CLSTN2: variants seen among roughly 807,000 people sequenced by gnomAD.
CLSTN2 encodes calsyntenin 2, also known as calsyntenin-2.
A neutral mutation model predicts 101.2 loss-of-function variants in CLSTN2; 48 were observed. The ratio of observed to expected loss-of-function variants is 0.47; its 90% CI spans 0.38 to 0.60. The LOEUF (loss-of-function observed/expected upper bound fraction) is 0.60. Among genes scored for constraint, CLSTN2 ranks in the 20% least tolerant of loss-of-function variants. CLSTN2 has a pLI of 0.00. For missense variants in CLSTN2, 1,160 were observed against 1,238.2 expected, an observed-to-expected ratio of 0.94 and a Z score of 0.95; for synonymous variants, 481 against 463.6, an observed-to-expected ratio of 1.04 and a Z score of -0.48.
At chr3:140,409,431 C>G (rs557435135) in intron 4 of CLSTN2, among the ~76,000 whole-genome samples, 1 of 152,280 alleles carries the variant, frequency 6.6e-6, no homozygotes, top group African/African-American at 2.4e-5. Context: ...GCTACCTGAA[C>G]CAATAAGACA....
At chr3:140,019,510 C>G (rs780566964) in intron 1 of CLSTN2, among the ~76,000 whole-genome samples, 3 of 152,208 alleles carry the variant, frequency 2.0e-5, no homozygotes, top group African/African-American at 4.8e-5. Context: ...TCTCTGCACA[C>G]ATTTTATTGG....
intron 1 of CLSTN2, among the ~76,000 whole-genome samples, chr3:140,081,104 C>T (rs1027248860): frequency 1.3e-5 from 2 of 152,160 alleles, no homozygotes; most frequent in African/African-American, 4.8e-5. Flanking sequence ...ATGTTGATGA[C>T]AGAATGGAAC....
chr3:140,172,011 C>T (rs943279360), intron 1 of CLSTN2, among the ~76,000 whole-genome samples: 15 of 148,104 alleles, frequency 1.0e-4, no homozygotes, highest in African/African-American at 3.2e-4. Context: ...GGGAAAGTTA[C>T]GCTTTGTGGA....
At chr3:140,251,771 T>C (rs2107876102) in intron 2 of CLSTN2, among the ~76,000 whole-genome samples, 1 of 152,280 alleles carries the variant, frequency 6.6e-6, no homozygotes, top group Admixed American at 6.5e-5. Context: ...CATGGGGCTC[T>C]GTCAGTGAGG....
intron 8 of CLSTN2, among the ~76,000 whole-genome samples, chr3:140,476,593 C>T (rs994378081): frequency 6.6e-6 from 1 of 151,688 alleles, no homozygotes; most frequent in African/African-American, 2.4e-5. Context: ...TAGAACCAGG[C>T]ATGGATGTCC....
chr3:140,195,760 G>T (rs185725374), intron 2 of CLSTN2, among the ~76,000 whole-genome samples: 2 of 152,316 alleles, frequency 1.3e-5, no homozygotes, highest in Admixed American at 6.5e-5. Flanking sequence ...CAACGAGCTT[G>T]TGAATTTTAC....
intron 2 of CLSTN2, among the ~76,000 whole-genome samples, chr3:140,308,358 G>C (rs11924457): frequency 0.028 from 4,210 of 152,280 alleles, 106 homozygotes; most frequent in South Asian, 0.082. Context: ...TCAGAAGGTG[G>C]CATTCAATAT....
chr3:140,068,847 G>A (rs750335113), intron 1 of CLSTN2, among the ~76,000 whole-genome samples: 1 of 152,224 alleles, frequency 6.6e-6, no homozygotes, highest in Non-Finnish European at 1.5e-5. Context: ...AGACAGACAT[G>A]TAAATGATAG....
Position 140,311,669 on chromosome 3 carries a change from T to G in CLSTN2, c.233-91960T>G, listed in dbSNP as rs555787652. ...AGAGTTTTATATGCAATAACTCATG[T>G]AATCATCATGACAACACCATGAGAT... On this transcript the variant is annotated intron_variant, in intron 2 of 16. Transcript: ENST00000458420. 1.4e-3 allele frequency among the ~76,000 whole-genome samples: 217 copies of G among 152,218 alleles called. 3 individuals carry two copies. Among genetic ancestry groups the G allele is most frequent in the African/African-American group, 4.9e-3 (203 of 41,522 alleles).
At chr3:140,048,053 A>G (rs145647165) in intron 1 of CLSTN2, among the ~76,000 whole-genome samples, 5 of 152,316 alleles carry the variant, frequency 3.3e-5, no homozygotes, top group African/African-American at 1.2e-4. Flanking sequence ...CCAGAAGAAT[A>G]TTGTTCCCAT....
intron 2 of CLSTN2, among the ~76,000 whole-genome samples, chr3:140,323,352 T>C (rs574163352): frequency 7.2e-5 from 11 of 152,342 alleles, no homozygotes; most frequent in Middle Eastern, 3.4e-3. Flanking sequence ...CGTCTCCTCT[T>C]CCACAGGTTA....
intron 8 of CLSTN2, among the ~76,000 whole-genome samples, chr3:140,483,850 T>C (rs1230093404): frequency 2.0e-5 from 3 of 152,216 alleles, no homozygotes; most frequent in African/African-American, 7.2e-5. Flanking sequence ...TTTGAGCCTA[T>C]GTCTGTCCTG....
intron 1 of CLSTN2, among the ~76,000 whole-genome samples, chr3:139,959,746 C>T (rs948238076): frequency 1.3e-5 from 2 of 152,140 alleles, no homozygotes; most frequent in East Asian, 1.9e-4. Flanking sequence ...ACCCCGCCCC[C>T]CTTTTTTTAC....
At position 140,243,832 on chromosome 3, in the gene CLSTN2, C is replaced by T. The variant is rs574321238; in HGVS notation, c.232+67759C>T. 3.9e-5 allele frequency among the ~76,000 whole-genome samples: 6 copies of T among 152,298 alleles called. No homozygotes were observed. The East Asian group carries it at 9.7e-4, about 25-fold the overall frequency. ...TATAAACACATGAATATCTAAGAAG[C>T]ACATGCTTAGAGTTTATCTCCCTGA... is the stretch of plus-strand genomic sequence containing the variant. On this transcript the variant is annotated intron_variant, in intron 2 of 16. Coordinates refer to ENST00000458420, the MANE Select transcript of CLSTN2 (RefSeq NM_022131.3).
At chr3:140,548,424 A>G (rs1935643859) in intron 10 of CLSTN2, among the ~76,000 whole-genome samples, 1 of 152,254 alleles carries the variant, frequency 6.6e-6, no homozygotes, top group Non-Finnish European at 1.5e-5. Flanking sequence ...GAACTTGCGT[A>G]AGATCCCAGA....
chr3:139,996,099 T>C (rs1161865666), intron 1 of CLSTN2, among the ~76,000 whole-genome samples: 1 of 152,206 alleles, frequency 6.6e-6, no homozygotes, highest in African/African-American at 2.4e-5. Context: ...ATTCTAAAGG[T>C]TGTGATTATT....
intron 1 of CLSTN2, among the ~76,000 whole-genome samples, chr3:140,173,995 T>C (rs755094012): frequency 6.6e-6 from 1 of 152,264 alleles, no homozygotes; most frequent in Admixed American, 6.5e-5. Flanking sequence ...TCGTTACTTA[T>C]GAAAATTTCT....
At chr3:140,424,753 G>A (rs913581657) in intron 5 of CLSTN2, among the ~76,000 whole-genome samples, 6 of 152,184 alleles carry the variant, frequency 3.9e-5, no homozygotes, top group African/African-American at 7.2e-5. Context: ...CTTTGTAAAT[G>A]GACAAGGAAC....
chr3:140,429,287 C>T (rs77410193), intron 5 of CLSTN2, among the ~76,000 whole-genome samples: 94 of 152,024 alleles, frequency 6.2e-4, no homozygotes, highest in African/African-American at 2.0e-3. Context: ...ACCAGAACTC[C>T]GATTATAGAA....
Sources: allele counts gnomAD v4.1 joint callset (sites outside exome capture counted in the v4.1 genomes callset), GRCh38; gene constraint gnomAD v4.1.1; transcripts MANE v1.5; gene names NCBI Gene and HGNC (gene_info 2026-07-23, HGNC 2026-07-21).